NRDC: variants seen among roughly 807,000 people sequenced by gnomAD.
NRDC encodes the protein nardilysin convertase, also known as nardilysin.
In NRDC, 54 loss-of-function variants were observed where a neutral mutation model predicts 147.1. The ratio of observed to expected loss-of-function variants is 0.37; its 90% CI spans 0.29 to 0.46. The LOEUF (loss-of-function observed/expected upper bound fraction) is 0.46, where lower values mean the gene tolerates loss of function less well. Among genes scored for constraint, NRDC ranks in the 20% least tolerant of loss-of-function variants. The probability of loss-of-function intolerance (pLI) is 1.00; values close to 1 mark genes in which losing one functional copy is unlikely to be tolerated. For missense variants in NRDC, 1,082 were observed against 1,370.6 expected (o/e 0.79, Z 3.33); for synonymous variants, 440 against 482.1 (o/e 0.91, Z 1.14).
intron 1 of NRDC, among the ~76,000 whole-genome samples, chr1:51,846,726 T>G (rs547429607): frequency 6.6e-6 from 1 of 152,236 alleles, no homozygotes; most frequent in Non-Finnish European, 1.5e-5. Flanking sequence ...GCGATGGAAC[T>G]CGACCCAAGT....
At chr1:51,856,831 GGAGAAAGTCT>G (rs894837205) in intron 1 of NRDC, among the ~76,000 whole-genome samples, 1 of 152,142 alleles carries the variant, frequency 6.6e-6, no homozygotes, top group African/African-American at 2.4e-5. Flanking sequence ...GAGATGGATA[GGAGAAAGTCT>G]GAGAAATTCT....
rs147071720 is a variant in NRDC, at chr1:51,814,782, C to T, written c.1471G>A (p.Gly491Ser). 36 of 1,609,096 alleles carry T rather than the reference C, an allele frequency of 2.2e-5. No individual in the cohort carries two copies. The African/African-American group carries it at 4.6e-4, about 20-fold the overall frequency. Residue 491 changes from glycine to serine, a missense_variant, in exon 12 of 31, where the codon GGT becomes AGT. Coordinates refer to ENST00000352171, the MANE Select transcript of NRDC (RefSeq NM_001101662.2). ...GAATTTTGCTCAAATCCTGTCTCAC[C>T]ATTTCCACCAAACAGTGCAAGAGCC... is the stretch of plus-strand genomic sequence containing the variant. ...CWALALFGGNGETGFEQNSTY... is the reference protein window; with the variant it reads ...CWALALFGGNSETGFEQNSTY...
intron 7 of NRDC, among the ~76,000 whole-genome samples, chr1:51,822,940 G>A (rs901202767): frequency 2.6e-5 from 4 of 152,154 alleles, no homozygotes; most frequent in African/African-American, 9.7e-5. Flanking sequence ...AATCACATTA[G>A]GGTGAGAGGA....
At chr1:51,826,257 T>C (rs988493598) in intron 5 of NRDC, among the ~76,000 whole-genome samples, 1 of 152,250 alleles carries the variant, frequency 6.6e-6, no homozygotes, top group African/African-American at 2.4e-5. Flanking sequence ...CTAACGTACC[T>C]GATTCCATTC....
rs553627758 is a variant in NRDC, at chr1:51,795,294, A to G, written c.2605-440T>C. 4 of 1,027,454 alleles carry G rather than the reference A, an allele frequency of 3.9e-6. No homozygotes were observed. In the East Asian group the frequency reaches 1.8e-4, roughly 46 times the overall value. The allele number at this position is 1,027,454 out of a possible 1,614,324, so 63.6% of individuals were successfully genotyped here. ...AGAATTCTGTTTTCTTATCTATAAAATAAGGGATAAATGGAGGGATTAGCT... is the reference window on the plus strand; with the variant it reads ...AGAATTCTGTTTTCTTATCTATAAAGTAAGGGATAAATGGAGGGATTAGCT... On this transcript the variant is annotated intron_variant, in intron 22 of 30. Coordinates refer to ENST00000352171, the MANE Select transcript of NRDC (RefSeq NM_001101662.2).
intron 1 of NRDC, among the ~76,000 whole-genome samples, chr1:51,844,303 G>A (rs1317686972): frequency 2.6e-5 from 4 of 152,042 alleles, no homozygotes; most frequent in African/African-American, 7.2e-5. Context: ...TAGAGACAGG[G>A]CCTTTAAAGA....
In NRDC at chr1:51,829,965, C is replaced by CTTT. The variant is rs941972546; in HGVS notation, c.867-2099_867-2097dup. Among the ~76,000 whole-genome samples, 35 of 131,252 alleles carry CTTT rather than the reference C, an allele frequency of 2.7e-4. 1 individual carries two copies. The highest frequency in any genetic ancestry group is 7.9e-4 in the African/African-American group (26 of 33,072). 86.1% of individuals were successfully genotyped at this position (131,252 alleles called of 152,430 possible). A position where few individuals can be genotyped will look rare whatever the true frequency, so the allele number is the denominator to read the frequency against. ...GTATATTCAAATTTGTCTTTTATTTCTTTTTTTTTTTTTTTTTGTGACAGA... is the reference window on the plus strand; with the variant it reads ...GTATATTCAAATTTGTCTTTTATTTCTTTTTTTTTTTTTTTTTTTTGTGACAGA... On this transcript the variant is annotated intron_variant, in intron 4 of 30. Transcript: ENST00000352171.
chr1:51,833,338 A>G (rs1680801814), intron 4 of NRDC, among the ~76,000 whole-genome samples: 2 of 151,856 alleles, frequency 1.3e-5, no homozygotes, highest in South Asian at 4.1e-4. Context: ...TGGCACATTC[A>G]GCCTGGGAGG....
intron 5 of NRDC, among the ~76,000 whole-genome samples, chr1:51,826,594 C>G (rs1252018383): frequency 6.6e-6 from 1 of 152,122 alleles, no homozygotes; most frequent in African/African-American, 2.4e-5. Flanking sequence ...TATAAACCAT[C>G]ATTAAAATAA....
At chr1:51,835,687 G>A (rs1442477118) in intron 3 of NRDC, among the ~76,000 whole-genome samples, 2 of 151,872 alleles carry the variant, frequency 1.3e-5, no homozygotes, top group South Asian at 2.1e-4. Flanking sequence ...GGCTGGTCTC[G>A]AACTCCTGAC....
At chr1:51,840,739 A>G (rs1393745516) in intron 1 of NRDC, among the ~76,000 whole-genome samples, 6 of 152,240 alleles carry the variant, frequency 3.9e-5, no homozygotes, top group African/African-American at 1.4e-4. Flanking sequence ...AACACTTCAT[A>G]ATATACGCTG....
At chr1:51,878,202 CAAG>C (rs1168172645) in intron 1 of NRDC, 70 bp downstream of exon 1, 19 of 1,506,922 alleles carry the variant, frequency 1.3e-5, no homozygotes, top group Non-Finnish European at 1.6e-5. Context: ...GACATGGAGA[CAAG>C]AAGTGACGGC....
At chr1:51,846,539 G>T (rs985694013) in intron 1 of NRDC, among the ~76,000 whole-genome samples, 2 of 152,248 alleles carry the variant, frequency 1.3e-5, no homozygotes, top group Non-Finnish European at 1.5e-5. Flanking sequence ...CTTAAAAGCG[G>T]CTTGTTTGGA....
chr1:51,834,547 C>T (rs1261189383), intron 3 of NRDC, among the ~76,000 whole-genome samples: 1 of 152,074 alleles, frequency 6.6e-6, no homozygotes, highest in Non-Finnish European at 1.5e-5. Context: ...AACTCCTGAC[C>T]TCAAGTGATC....
At chr1:51,836,270 CATCTT>C (rs765364737) in intron 2 of NRDC, 58 bp from the exon 3 acceptor site, 299 of 1,579,872 alleles carry the variant, frequency 1.9e-4, no homozygotes, top group Non-Finnish European at 2.3e-4. Flanking sequence ...ATAATATTCG[CATCTT>C]ATCTTAAGGA....
At chr1:51,800,089 C>T (rs1158271096) in intron 21 of NRDC, among the ~76,000 whole-genome samples, 1 of 152,200 alleles carries the variant, frequency 6.6e-6, no homozygotes, top group Admixed American at 6.5e-5. Context: ...ATCCTCCCAC[C>T]TCAGTCTGCC....
At chr1:51,833,325 C>T (rs546347764) in intron 4 of NRDC, among the ~76,000 whole-genome samples, 12 of 151,512 alleles carry the variant, frequency 7.9e-5, no homozygotes, top group Admixed American at 4.6e-4. Context: ...TAGCTGGGAG[C>T]GGTGGCACAT....
intron 14 of NRDC, 104 bp downstream of exon 14, chr1:51,813,931 G>A: frequency 1.3e-6 from 1 of 776,818 alleles, no homozygotes; most frequent in Non-Finnish European, 2.2e-6. Context: ...GACACAGAAT[G>A]ACAGAATTAA....
chr1:51,855,646 A>G (rs914195747), intron 1 of NRDC, among the ~76,000 whole-genome samples: 3 of 152,104 alleles, frequency 2.0e-5, no homozygotes, highest in Non-Finnish European at 2.9e-5. Flanking sequence ...ACCCTATTAA[A>G]AAATAAGCTT....
Sources: allele counts gnomAD v4.1 joint callset (sites outside exome capture counted in the v4.1 genomes callset), GRCh38; gene constraint gnomAD v4.1.1; transcripts MANE v1.5; gene names NCBI Gene and HGNC (gene_info 2026-07-23, HGNC 2026-07-21).